The following UGT1A1 variants were observed in gnomAD, a reference collection of about 807,000 sequenced individuals.
The protein encoded by UGT1A1 is UDP-glucuronosyltransferase 1A1.
A neutral mutation model predicts 40.6 loss-of-function variants in UGT1A1; 33 were observed. The observed-to-expected ratio is 0.81, with a 90% CI of 0.62 to 1.09. The LOEUF (loss-of-function observed/expected upper bound fraction) is 1.09, where lower values mean the gene tolerates loss of function less well. UGT1A1 is among the 50% of genes least tolerant of loss of function. UGT1A1 has a pLI of 0.00. For synonymous variants in UGT1A1, 249 were observed against 265.0 expected (o/e 0.94, Z 0.59); for missense variants, 694 against 671.2 (o/e 1.03, Z -0.38).
chr2:233,772,776 CTT>C lies in UGT1A1; in HGVS notation c.*219_*220del. On this transcript the variant is annotated 3_prime_UTR_variant, in exon 5 of 5. Transcript: ENST00000305208. Reference sequence around the variant, plus strand: ...ATATGTATCGTGCCCCCTCTGGTGTCTTTGATCAGGATGACATGTGCCATTTT... The same window carrying C: ...ATATGTATCGTGCCCCCTCTGGTGTCTGATCAGGATGACATGTGCCATTTT... The C allele has an allele frequency of 7.6e-7, 1 of 1,308,314 alleles. No individual in the cohort carries two copies. The highest frequency in any genetic ancestry group is 1.0e-6 in the Non-Finnish European group (1 of 993,234). The allele number at this position is 1,308,314 out of a possible 1,614,324, so 81.0% of individuals were successfully genotyped here.
chr2:233,768,900 A>G (rs972191736), intron 4 of UGT1A1, among the ~76,000 whole-genome samples: 23 of 152,184 alleles, frequency 1.5e-4, no homozygotes, highest in African/African-American at 5.1e-4. Flanking sequence ...TATAAATAAG[A>G]TAATTTAGAG....
Position 233,773,207 on chromosome 2 carries a change from A to G in UGT1A1, c.*648A>G, listed in dbSNP as rs1436243452. On this transcript the variant is annotated 3_prime_UTR_variant, in exon 5 of 5. Coordinates refer to ENST00000305208, the MANE Select transcript of UGT1A1 (RefSeq NM_000463.3). ...TCAAATGGAGCTGAATTTGATAAAAACCCAAAATACAGCTATGAAGTGCTG... is the reference window on the plus strand; with the variant it reads ...TCAAATGGAGCTGAATTTGATAAAAGCCCAAAATACAGCTATGAAGTGCTG... 1 of 152,384 alleles carries G rather than the reference A, an allele frequency of 6.6e-6. No homozygotes were observed. The highest frequency in any genetic ancestry group is 2.4e-5 in the African/African-American group (1 of 41,416). The allele number at this position is 152,384 out of a possible 1,614,324, so 9.4% of individuals were successfully genotyped here. A position where few individuals can be genotyped will look rare whatever the true frequency, so the allele number is the denominator to read the frequency against.
Position 233,760,460 on chromosome 2 carries a change from T to C in UGT1A1, c.173T>C (p.Val58Ala), listed in dbSNP as rs2125984411. Reference sequence around the variant, plus strand: ...CTGCAGCAGAGGGGACATGAAATAGTTGTCCTAGCACCTGACGCCTCGTTG... The same window carrying C: ...CTGCAGCAGAGGGGACATGAAATAGCTGTCCTAGCACCTGACGCCTCGTTG... ...QQLQQRGHEI[V>A]VLAPDASLYI... Residue 58 changes from valine (V) to alanine (A), a missense_variant, in exon 1 of 5, where the codon GTT (valine) becomes GCT (alanine). By Grantham distance (64) the Val-to-Ala change is moderately conservative. Transcript: ENST00000305208. 6.2e-7 allele frequency: 1 copy of C among 1,614,176 alleles called. No homozygotes were observed.
chr2:233,769,853 G>T lies in UGT1A1; in HGVS notation c.1304+1414G>T. On this transcript the variant is annotated intron_variant, in intron 4 of 4. Transcript: ENST00000305208. This position sits in a 1 kb window ranked among gnomAD's most constrained non-coding sequence, Gnocchi z 4.4. ...AACCTGGGCAACAGAGTGAGACCCT[G>T]TCTCAAAAAAAAAAAAAAAAATGAA... The T allele has an allele frequency of 4.6e-5, 18 of 388,562 alleles. No individual in the cohort carries two copies. The highest frequency in any genetic ancestry group is 9.6e-5 in the East Asian group (2 of 20,776). 24.1% of individuals were successfully genotyped at this position (388,562 alleles called of 1,614,324 possible).
In UGT1A1 at chr2:233,769,448, C is replaced by T. The variant is rs934555154; in HGVS notation, c.1304+1009C>T. The T allele has an allele frequency of 7.2e-5, 114 of 1,590,160 alleles. No individual in the cohort carries two copies. The East Asian group carries it at 1.2e-3, about 16-fold the overall frequency. ...GGCTGTGCTCATGTGTGGGTGCACA[C>T]GTGTGCATTCATATGCGTGTGTGTG... On this transcript the variant is annotated intron_variant, in intron 4 of 4. Coordinates refer to ENST00000305208, the MANE Select transcript of UGT1A1 (RefSeq NM_000463.3). The surrounding 1 kb of genome is among the most constrained non-coding windows in gnomAD (Gnocchi z 4.4).
In UGT1A1 at chr2:233,769,480, C is replaced by T. The variant is rs1027796566; in HGVS notation, c.1304+1041C>T. 1.4e-5 allele frequency: 23 copies of T among 1,596,558 alleles called. No homozygotes were observed. Among genetic ancestry groups the T allele is most frequent in the African/African-American group, 1.3e-4 (10 of 74,384 alleles). ...ATTCATATGCGTGTGTGTGTGTGTGCGTGTGTTTATGAGAGTGTCCATTGC... is the reference window on the plus strand; with the variant it reads ...ATTCATATGCGTGTGTGTGTGTGTGTGTGTGTTTATGAGAGTGTCCATTGC... On this transcript the variant is annotated intron_variant, in intron 4 of 4. Coordinates refer to ENST00000305208, the MANE Select transcript of UGT1A1 (RefSeq NM_000463.3). The surrounding 1 kb of genome is among the most constrained non-coding windows in gnomAD (Gnocchi z 4.4).
chr2:233,768,591 T>C, intron 4 of UGT1A1, 152 bp downstream of exon 4: 1 of 1,076,328 alleles, frequency 9.3e-7, no homozygotes, highest in Non-Finnish European at 1.2e-6. Context: ...TCTTTTTTTT[T>C]TTTTTTTTTT....
intron 1 of UGT1A1, among the ~76,000 whole-genome samples, chr2:233,761,658 A>G (rs1473319616): frequency 6.6e-6 from 1 of 152,256 alleles, no homozygotes; most frequent in East Asian, 1.9e-4. Flanking sequence ...TAATGAGTGA[A>G]TCACCAGACA....
chr2:233,768,215 C>T lies in UGT1A1; in HGVS notation c.1085-5C>T. The T allele has an allele frequency of 1.2e-6, 2 of 1,614,186 alleles. No individual in the cohort carries two copies. Among genetic ancestry groups the T allele is most frequent in the Admixed American group, 3.3e-5 (2 of 60,020 alleles). On this transcript the variant is annotated splice_polypyrimidine_tract_variant and splice_region_variant and intron_variant, in intron 3 of 4. Coordinates refer to ENST00000305208, the MANE Select transcript of UGT1A1 (RefSeq NM_000463.3). Reference sequence around the variant, plus strand: ...TGCTGACATCCTCCCTATTTTGCATCTCAGGTCACCCGATGACCCGTGCCT... The same window carrying T: ...TGCTGACATCCTCCCTATTTTGCATTTCAGGTCACCCGATGACCCGTGCCT...
intron 4 of UGT1A1, among the ~76,000 whole-genome samples, chr2:233,771,927 C>A (rs1388593829): frequency 6.6e-6 from 1 of 152,006 alleles, no homozygotes; most frequent in African/African-American, 2.4e-5. Context: ...ACAGCCTGGG[C>A]AACACAATAA....
chr2:233,772,131 CAAT>C, intron 4 of UGT1A1, 128 bp from the exon 5 acceptor site: 4 of 1,543,198 alleles, frequency 2.6e-6, no homozygotes, highest in Middle Eastern at 2.3e-4. Flanking sequence ...ACAACAACAA[CAAT>C]AATAGAAACA....
At chr2:233,764,334 G>A (rs1470444566) in intron 1 of UGT1A1, among the ~76,000 whole-genome samples, 1 of 152,188 alleles carries the variant, frequency 6.6e-6, no homozygotes, top group Non-Finnish European at 1.5e-5. Flanking sequence ...AGTAGGGGAT[G>A]GACTTCACCT....
intron 1 of UGT1A1, among the ~76,000 whole-genome samples, chr2:233,766,011 CCTT>C (rs1699028411): frequency 6.6e-6 from 1 of 152,070 alleles, no homozygotes; most frequent in Non-Finnish European, 1.5e-5. Flanking sequence ...TGGGTTATGG[CCTT>C]CTTTTAGTTT....
intron 1 of UGT1A1, 106 bp from the exon 2 acceptor site, chr2:233,766,928 C>T (rs1699282359): frequency 1.3e-6 from 2 of 1,578,030 alleles, no homozygotes; most frequent in East Asian, 4.5e-5. Flanking sequence ...ACACGCATGC[C>T]TTTAATCATA....
chr2:233,760,682 A>G lies in UGT1A1; in HGVS notation c.395A>G (p.His132Arg). Residue 132 changes from histidine (H) to arginine (R), a missense_variant, in exon 1 of 5, where the codon CAC becomes CGC. Transcript: ENST00000305208. Reference protein sequence around the residue: ...MLLSGCSHLLHNKELMASLAE... With the variant: ...MLLSGCSHLLRNKELMASLAE... ...TTGTCTGGCTGTTCCCACTTACTGC[A>G]CAACAAGGAGCTCATGGCCTCCCTG... The G allele has an allele frequency of 6.2e-7, 1 of 1,614,208 alleles. No homozygotes were observed. The highest frequency in any genetic ancestry group is 1.1e-5 in the South Asian group (1 of 91,088).
chr2:233,768,508 A>G (rs1699630858), intron 4 of UGT1A1, 69 bp downstream of exon 4: 1 of 1,557,694 alleles, frequency 6.4e-7, no homozygotes, highest in South Asian at 1.2e-5. Flanking sequence ...AAATATGAAA[A>G]CATTTACGTA....
At position 233,769,202 on chromosome 2, in the gene UGT1A1, CACAG is replaced by C. The variant is rs1699813403; in HGVS notation, c.1304+767_1304+770del. Among the ~76,000 whole-genome samples the C allele has an allele frequency of 6.6e-6, 1 of 152,204 alleles. No homozygotes were observed. Among genetic ancestry groups the C allele is most frequent in the African/African-American group, 2.4e-5 (1 of 41,446 alleles). On this transcript the variant is annotated intron_variant, in intron 4 of 4. Coordinates refer to ENST00000305208, the MANE Select transcript of UGT1A1 (RefSeq NM_000463.3). The surrounding 1 kb of genome is among the most constrained non-coding windows in gnomAD (Gnocchi z 4.4). ...TATGAATGAAGGAGCTATAAGATAT[CACAG>C]ACAAAGTCTTAGAATAAGAGCAAAG...
At position 233,769,466 on chromosome 2, in the gene UGT1A1, T is replaced by C. The variant is rs1023177408; in HGVS notation, c.1304+1027T>C. On this transcript the variant is annotated intron_variant, in intron 4 of 4. Coordinates refer to ENST00000305208, the MANE Select transcript of UGT1A1 (RefSeq NM_000463.3). The surrounding 1 kb of genome is among the most constrained non-coding windows in gnomAD (Gnocchi z 4.4). ...GTGCACACGTGTGCATTCATATGCG[T>C]GTGTGTGTGTGTGCGTGTGTTTATG... 86 of 1,281,398 alleles carry C rather than the reference T, an allele frequency of 6.7e-5. No homozygotes were observed. The South Asian group carries it at 1.2e-3, about 18-fold the overall frequency. 79.4% of individuals were successfully genotyped at this position (1,281,398 alleles called of 1,614,324 possible).
At position 233,767,074 on chromosome 2, in the gene UGT1A1, T is replaced by C. The variant is rs747099261; in HGVS notation, c.905T>C (p.Ile302Thr). Residue 302 changes from isoleucine to threonine, a missense_variant, in exon 2 of 5, where the codon ATT becomes ACT. Transcript: ENST00000305208. The part of the protein sequence containing the change: ...AYINASGEHG[I>T]VVFSLGSMVS... ...ATTAATGCTTCTGGAGAACATGGAA[T>C]TGTGGTTTTCTCTTTGGGATCAATG... is the stretch of plus-strand genomic sequence containing the variant. 2.5e-6 allele frequency: 4 copies of C among 1,614,130 alleles called. No individual in the cohort carries two copies. The highest frequency in any genetic ancestry group is 1.1e-5 in the South Asian group (1 of 91,076).
Sources: gnomAD v4.1 joint callset for allele counts (sites outside exome capture counted in the v4.1 genomes callset) on GRCh38, gnomAD v4.1.1 for gene constraint, Gnocchi (gnomAD v3.1) non-coding constraint, MANE v1.5 for transcripts, NCBI Gene and HGNC (gene_info 2026-07-23, HGNC 2026-07-21) for gene names.